Variants in GHR observed in about 807,000 individuals in gnomAD.
GHR encodes the protein growth hormone receptor, also known as GH receptor.
In GHR, 35 loss-of-function variants were observed where a neutral mutation model predicts 67.1. The ratio of observed to expected loss-of-function variants is 0.52; its 90% CI spans 0.40 to 0.69. The LOEUF is 0.69. Ranked by LOEUF, GHR falls within the 30% of genes least tolerant of loss-of-function variation. GHR has a pLI of 0.00. For synonymous variants in GHR, 272 were observed against 269.1 expected (o/e 1.01, Z -0.10); for missense variants, 792 against 764.6 (o/e 1.04, Z -0.42).
intron 3 of GHR, among the ~76,000 whole-genome samples, chr5:42,667,849 G>A (rs967048751): frequency 1.3e-5 from 2 of 152,164 alleles, no homozygotes; most frequent in Non-Finnish European, 2.9e-5. Flanking sequence ...AAACTGGGTT[G>A]AGTTGATGAC....
intron 1 of GHR, among the ~76,000 whole-genome samples, chr5:42,510,296 T>C (rs986699943): frequency 2.0e-5 from 3 of 152,340 alleles, no homozygotes; most frequent in Non-Finnish European, 4.4e-5. Context: ...TATATGCTTT[T>C]ATATTTGCTC....
chr5:42,465,801 G>C, intron 1 of GHR: 1 of 786,030 alleles, frequency 1.3e-6, no homozygotes, highest in Non-Finnish European at 2.3e-6. Flanking sequence ...CTGCCCTCTC[G>C]ACCTCTTCCA....
At chr5:42,560,513 T>C (rs1259255871) in intron 1 of GHR, among the ~76,000 whole-genome samples, 1 of 152,170 alleles carries the variant, frequency 6.6e-6, no homozygotes, top group East Asian at 1.9e-4. Flanking sequence ...AATATAATTT[T>C]TGATAAAGGT....
intron 1 of GHR, among the ~76,000 whole-genome samples, chr5:42,478,826 G>T (rs1455808362): frequency 6.6e-6 from 1 of 152,154 alleles, no homozygotes; most frequent in Non-Finnish European, 1.5e-5. Flanking sequence ...CATGTCCTCT[G>T]CAAACAGGGA....
intron 2 of GHR, among the ~76,000 whole-genome samples, chr5:42,573,234 G>A (rs1024941986): frequency 6.6e-6 from 1 of 152,142 alleles, no homozygotes; most frequent in South Asian, 2.1e-4. Context: ...CTCATCTCCA[G>A]TCCTGAGCAA....
At chr5:42,625,659 C>A (rs1753665766) in intron 2 of GHR, among the ~76,000 whole-genome samples, 1 of 152,086 alleles carries the variant, frequency 6.6e-6, no homozygotes, top group African/African-American at 2.4e-5. Flanking sequence ...GGGGGGCTTC[C>A]AGGCTATAGG....
chr5:42,600,903 T>A (rs919352572), intron 2 of GHR, among the ~76,000 whole-genome samples: 9 of 149,460 alleles, frequency 6.0e-5, no homozygotes, highest in Non-Finnish European at 1.3e-4. Context: ...GAAATTAAAA[T>A]CTATTCTTTC....
chr5:42,684,318 C>T (rs1051769613), intron 3 of GHR, among the ~76,000 whole-genome samples: 1 of 152,194 alleles, frequency 6.6e-6, no homozygotes, highest in Non-Finnish European at 1.5e-5. Flanking sequence ...AACTAGAGTA[C>T]ACATCTCTCA....
At chr5:42,577,637 C>G (rs1344802369) in intron 2 of GHR, among the ~76,000 whole-genome samples, 3 of 152,148 alleles carry the variant, frequency 2.0e-5, no homozygotes, top group Non-Finnish European at 2.9e-5. Flanking sequence ...CCACCTAGTC[C>G]TCTTTAGCTG....
chr5:42,668,676 T>A (rs555977260), intron 3 of GHR, among the ~76,000 whole-genome samples: 26 of 152,176 alleles, frequency 1.7e-4, no homozygotes, highest in Non-Finnish European at 3.8e-4. Context: ...ATAAAAATGT[T>A]CTCTGTTCCT....
chr5:42,692,178 A>C (rs2111682279), intron 4 of GHR, among the ~76,000 whole-genome samples: 1 of 152,264 alleles, frequency 6.6e-6, no homozygotes, highest in South Asian at 2.1e-4. Context: ...TAAAGCCAAA[A>C]ACGTGCGCTT....
intron 3 of GHR, among the ~76,000 whole-genome samples, chr5:42,660,560 A>G (rs542748183): frequency 1.2e-4 from 18 of 152,320 alleles, no homozygotes; most frequent in Middle Eastern, 3.4e-3. Context: ...CCTGTCTGTT[A>G]GAAGGAAAAC....
At chr5:42,695,260 A>G (rs1042094719) in intron 5 of GHR, among the ~76,000 whole-genome samples, 171 bp downstream of exon 5, 2 of 152,224 alleles carry the variant, frequency 1.3e-5, no homozygotes, top group Non-Finnish European at 2.9e-5. Flanking sequence ...GGAAAAGGGC[A>G]GGGGGAACTT....
At chr5:42,635,172 A>G (rs1754116596) in intron 3 of GHR, among the ~76,000 whole-genome samples, 1 of 152,190 alleles carries the variant, frequency 6.6e-6, no homozygotes, top group African/African-American at 2.4e-5. Context: ...TTTTAAGGAA[A>G]CAGTGTTTAT....
intron 3 of GHR, among the ~76,000 whole-genome samples, chr5:42,674,672 A>C (rs765942452): frequency 4.6e-5 from 7 of 152,328 alleles, no homozygotes; most frequent in Non-Finnish European, 7.3e-5. Flanking sequence ...GTGTTGTAGC[A>C]TGTATCAGTA....
chr5:42,690,532 G>A (rs4146624), intron 4 of GHR, among the ~76,000 whole-genome samples: 4,982 of 152,144 alleles, frequency 0.033, 211 homozygotes, highest in South Asian at 0.18. Context: ...CCAGTTCCTG[G>A]ACTATAAAAT....
chr5:42,461,086 C>T (rs1272003497), intron 1 of GHR, among the ~76,000 whole-genome samples: 2 of 152,038 alleles, frequency 1.3e-5, no homozygotes, highest in Non-Finnish European at 2.9e-5. Context: ...TTTTCTTCTT[C>T]CCCAATAAGG....
chr5:42,493,971 G>A (rs927503424), intron 1 of GHR, among the ~76,000 whole-genome samples: 1 of 152,124 alleles, frequency 6.6e-6, no homozygotes, highest in Non-Finnish European at 1.5e-5. Flanking sequence ...AGCTCTTGGA[G>A]GGAAGAAAAT....
chr5:42,451,716 A>C (rs1231958787), intron 1 of GHR, among the ~76,000 whole-genome samples: 1 of 151,786 alleles, frequency 6.6e-6, no homozygotes, highest in East Asian at 1.9e-4. Context: ...AAAAAAAAAA[A>C]AAACCTACTC....
Sources: allele counts gnomAD v4.1 joint callset (sites outside exome capture counted in the v4.1 genomes callset), GRCh38; gene constraint gnomAD v4.1.1; transcripts MANE v1.5; gene names NCBI Gene and HGNC (gene_info 2026-07-23, HGNC 2026-07-21).